TLN2: variants seen among roughly 807,000 people sequenced by gnomAD.
TLN2 encodes the protein talin-2.
A neutral mutation model predicts 294.7 loss-of-function variants in TLN2; 118 were observed. That is an observed-to-expected ratio of 0.40 (90% CI 0.34 to 0.47). TLN2 has a LOEUF of 0.47. Ranked by LOEUF, TLN2 falls within the 20% of genes least tolerant of loss-of-function variation. The pLI is 0.84. For synonymous variants in TLN2, 1,431 were observed against 1,304.5 expected (o/e 1.10, Z -2.09); for missense variants, 3,083 against 3,282.2 (o/e 0.94, Z 1.48).
chr15:62,643,629 G>A (rs1359686338), intron 3 of TLN2, among the ~76,000 whole-genome samples: 2 of 151,942 alleles, frequency 1.3e-5, no homozygotes, highest in Non-Finnish European at 2.9e-5. Context: ...GATCCAACGG[G>A]TATAGTTGGC....
chr15:62,740,494 T>C, intron 31 of TLN2, 136 bp from the exon 32 acceptor site: 1 of 1,090,582 alleles, frequency 9.2e-7, no homozygotes, highest in Non-Finnish European at 1.3e-6. Context: ...GAGTTAGGCA[T>C]CTGCGGGCTA....
chr15:62,827,050 C>G (rs1057288564), intron 54 of TLN2, among the ~76,000 whole-genome samples: 4 of 134,834 alleles, frequency 3.0e-5, no homozygotes, highest in African/African-American at 7.9e-5. Flanking sequence ...GTGTTTTTAG[C>G]TCTCAACAAA....
At chr15:62,599,632 T>C (rs2046824926) in intron 2 of TLN2, among the ~76,000 whole-genome samples, 1 of 152,196 alleles carries the variant, frequency 6.6e-6, no homozygotes, top group Non-Finnish European at 1.5e-5. Context: ...TACCTGATCC[T>C]AAATATTTCC....
chr15:62,776,793 G>T lies in TLN2; in HGVS notation c.5397G>T (p.Glu1799Asp). 6.3e-7 allele frequency: 1 copy of T among 1,593,114 alleles called. No individual in the cohort carries two copies. Among genetic ancestry groups the T allele is most frequent in the Non-Finnish European group, 8.6e-7 (1 of 1,168,720 alleles). The change falls in exon 43 of 59, where the codon GAG becomes GAT. Residue 1799 changes from glutamate (E) to aspartate (D), a missense_variant. Coordinates refer to ENST00000636159, the MANE Select transcript of TLN2 (RefSeq NM_015059.3). ...KAQHTHDAITEAAQLMKEAVD... is the reference protein window; with the variant it reads ...KAQHTHDAITDAAQLMKEAVD... ...AACACACCCATGACGCCATCACAGAGGCCGCCCAGTTGATGAAGGAAGCCG... is the reference window on the plus strand; with the variant it reads ...AACACACCCATGACGCCATCACAGATGCCGCCCAGTTGATGAAGGAAGCCG...
intron 1 of TLN2, among the ~76,000 whole-genome samples, chr15:62,444,053 C>G (rs1489864160): frequency 6.6e-6 from 1 of 152,186 alleles, no homozygotes; most frequent in Non-Finnish European, 1.5e-5. Flanking sequence ...ACCATCCAGT[C>G]AAGAACCTTT....
chr15:62,459,531 T>C (rs1288042510), intron 1 of TLN2, among the ~76,000 whole-genome samples: 16 of 152,160 alleles, frequency 1.1e-4, no homozygotes, highest in Admixed American at 1.0e-3. Flanking sequence ...TAGGAAAGTG[T>C]GTGCATGCCT....
chr15:62,679,443 T>C (rs374269009), intron 11 of TLN2, among the ~76,000 whole-genome samples: 1 of 48,774 alleles, frequency 2.1e-5, no homozygotes, highest in East Asian at 3.6e-4. Flanking sequence ...TAAAAAGGAA[T>C]GAAGTACCGA....
intron 31 of TLN2, among the ~76,000 whole-genome samples, chr15:62,740,236 G>A (rs1054102727): frequency 6.6e-5 from 10 of 152,116 alleles, no homozygotes; most frequent in African/African-American, 2.4e-4. Flanking sequence ...GTTTGTGCCA[G>A]GCCGAGATGT....
At chr15:62,484,424 GT>G (rs556733789) in intron 1 of TLN2, among the ~76,000 whole-genome samples, 1 of 149,434 alleles carries the variant, frequency 6.7e-6, no homozygotes. Flanking sequence ...AAGGACCATG[GT>G]TTTTTTTTTC....
At chr15:62,718,632 G>C (rs2059932366) in intron 24 of TLN2, among the ~76,000 whole-genome samples, 1 of 152,190 alleles carries the variant, frequency 6.6e-6, no homozygotes, top group East Asian at 1.9e-4. Context: ...GTAGGGTCCT[G>C]GGCTGGTGTC....
At chr15:62,728,272 T>C (rs2060542240) in intron 28 of TLN2, among the ~76,000 whole-genome samples, 1 of 152,214 alleles carries the variant, frequency 6.6e-6, no homozygotes, top group South Asian at 2.1e-4. Flanking sequence ...TTCTCAGCAC[T>C]ATGTTAGTGA....
At chr15:62,744,426 T>A (rs1214550382) in intron 32 of TLN2, among the ~76,000 whole-genome samples, 2 of 114,580 alleles carry the variant, frequency 1.7e-5, no homozygotes, top group Non-Finnish European at 3.8e-5. Flanking sequence ...TTTTTTTTTT[T>A]AAAGAGAGGC....
At chr15:62,744,745 C>T (rs777761806) in intron 32 of TLN2, among the ~76,000 whole-genome samples, 8 of 152,090 alleles carry the variant, frequency 5.3e-5, no homozygotes, top group Non-Finnish European at 1.0e-4. Context: ...CGGGGTTTCA[C>T]CATGTTGGCC....
At chr15:62,800,824 G>C in intron 50 of TLN2, 55 bp downstream of exon 50, 4 of 1,465,870 alleles carry the variant, frequency 2.7e-6, no homozygotes, top group Non-Finnish European at 3.7e-6. Context: ...GCTGACCCCA[G>C]TGAGGGCTCA....
At chr15:62,653,477 G>A (rs2140948758) in intron 7 of TLN2, among the ~76,000 whole-genome samples, 163 bp downstream of exon 7, 1 of 152,308 alleles carries the variant, frequency 6.6e-6, no homozygotes, top group East Asian at 1.9e-4. Flanking sequence ...TATAATCCCA[G>A]TATTTTGGGA....
Position 62,708,691 on chromosome 15 carries a change from G to A in TLN2, c.2362G>A (p.Val788Met). The A allele has an allele frequency of 6.2e-7, 1 of 1,614,098 alleles. No individual in the cohort carries two copies. ...GGCCCTCCATGATCTCCTGCAGCATGTGCGGCAGTTTGCCAGCCGAGGCGA... is the reference window on the plus strand; with the variant it reads ...GGCCCTCCATGATCTCCTGCAGCATATGCGGCAGTTTGCCAGCCGAGGCGA... ...SQALHDLLQH[V>M]RQFASRGEPI... is the part of the protein sequence containing the mutation. The change falls in exon 21 of 59, where the codon GTG becomes ATG. Residue 788 changes from valine to methionine, a missense_variant. By Grantham distance (21) the Val-to-Met change is conservative. Transcript: ENST00000636159.
intron 1 of TLN2, among the ~76,000 whole-genome samples, chr15:62,498,153 CAAAA>C (rs538951284): frequency 0.2 from 18,226 of 93,370 alleles, 1,317 homozygotes; most frequent in African/African-American, 0.25. Context: ...GACCCTGCCT[CAAAA>C]AAAAAAAAAA....
intron 3 of TLN2, among the ~76,000 whole-genome samples, 141 bp downstream of exon 3, chr15:62,618,616 A>G (rs2048506936): frequency 1.3e-5 from 2 of 152,218 alleles, no homozygotes; most frequent in South Asian, 4.1e-4. Flanking sequence ...CATCCCCTGG[A>G]GGAAGGAATG....
chr15:62,825,767 AT>A lies in TLN2; in HGVS notation c.7002+5158del, dbSNP rs1287542857. 1.4e-3 allele frequency among the ~76,000 whole-genome samples: 50 copies of A among 36,436 alleles called. No homozygotes were observed. In the South Asian group the frequency reaches 0.03, roughly 22 times the overall value. 23.9% of individuals were successfully genotyped at this position (36,436 alleles called of 152,430 possible). On this transcript the variant is annotated intron_variant, in intron 54 of 58. Coordinates refer to ENST00000636159, the MANE Select transcript of TLN2 (RefSeq NM_015059.3). ...ATATATTAAATATAATTATAATTAT[AT>A]ATTATATAATATATTATATATTATA...
Sources: gnomAD v4.1 joint callset for allele counts (sites outside exome capture counted in the v4.1 genomes callset) on GRCh38, gnomAD v4.1.1 for gene constraint, MANE v1.5 for transcripts, NCBI Gene and HGNC (gene_info 2026-07-23, HGNC 2026-07-21) for gene names.